The following ZFAT variants were observed in gnomAD, a reference collection of about 807,000 sequenced individuals.
ZFAT encodes the protein zinc finger protein ZFAT.
ZFAT carries 64 observed loss-of-function variants against 117.7 expected under a neutral mutation model. The observed-to-expected ratio is 0.54, with a 90% CI of 0.44 to 0.67. ZFAT has a LOEUF of 0.67. ZFAT is among the 30% of genes least tolerant of loss of function. The probability of loss-of-function intolerance (pLI) is 0.00; values close to 1 mark genes in which losing one functional copy is unlikely to be tolerated. For synonymous variants in ZFAT, 679 were observed against 615.0 expected (o/e 1.10, Z -1.54); for missense variants, 1,433 against 1,584.5 (o/e 0.90, Z 1.62).
At chr8:134,591,461 T>G (rs1022254831) in intron 7 of ZFAT, among the ~76,000 whole-genome samples, 4 of 152,228 alleles carry the variant, frequency 2.6e-5, no homozygotes, top group African/African-American at 9.6e-5. Flanking sequence ...CACCTCCCTT[T>G]GCTCTCAGCG....
intron 1 of ZFAT, among the ~76,000 whole-genome samples, chr8:134,664,168 T>C (rs1043946382): frequency 4.0e-5 from 6 of 149,378 alleles, no homozygotes; most frequent in African/African-American, 1.2e-4. Flanking sequence ...CCTCATTCAA[T>C]CCCCCACCTC....
At chr8:134,617,808 G>T (rs1196823075) in intron 3 of ZFAT, among the ~76,000 whole-genome samples, 2 of 152,162 alleles carry the variant, frequency 1.3e-5, no homozygotes, top group South Asian at 2.1e-4. Context: ...TCACTAAATT[G>T]CAGATAGTCT....
intron 1 of ZFAT, among the ~76,000 whole-genome samples, chr8:134,712,319 G>A (rs947106342): frequency 4.6e-5 from 7 of 152,236 alleles, no homozygotes; most frequent in African/African-American, 1.7e-4. Flanking sequence ...GTGGAAGCTT[G>A]TGGTAATTAC....
chr8:134,541,514 C>T (rs1586673099), intron 11 of ZFAT, among the ~76,000 whole-genome samples: 1 of 152,080 alleles, frequency 6.6e-6, no homozygotes, highest in Admixed American at 6.5e-5. Context: ...TTATAAATTA[C>T]CCAGTTTCAA....
intron 3 of ZFAT, among the ~76,000 whole-genome samples, chr8:134,627,154 G>A (rs922316541): frequency 3.9e-5 from 6 of 152,160 alleles, no homozygotes; most frequent in East Asian, 1.9e-4. Flanking sequence ...GAGGCCCACC[G>A]GCAGGAAGCA....
intron 10 of ZFAT, among the ~76,000 whole-genome samples, chr8:134,583,417 T>C (rs982510894): frequency 3.3e-5 from 5 of 152,138 alleles, no homozygotes; most frequent in Admixed American, 2.6e-4. Flanking sequence ...ACCACTGAGG[T>C]AGCTTGGATG....
chr8:134,754,401 G>A, the ZFAT span, among the ~76,000 whole-genome samples: 1 of 152,190 alleles, frequency 6.6e-6, no homozygotes, highest in African/African-American at 2.4e-5. Flanking sequence ...AGCTGGATAA[G>A]GGGACCAAGG....
At chr8:134,565,223 A>T in intron 11 of ZFAT, 110 bp downstream of exon 11, 2 of 1,560,066 alleles carry the variant, frequency 1.3e-6, no homozygotes, top group Non-Finnish European at 1.7e-6. Flanking sequence ...GGGGGCCCCA[A>T]AGCGAAGGTA....
intron 11 of ZFAT, among the ~76,000 whole-genome samples, chr8:134,548,436 G>T (rs1194637194): frequency 6.6e-6 from 1 of 152,186 alleles, no homozygotes; most frequent in Non-Finnish European, 1.5e-5. Context: ...GCAATGGAGG[G>T]TGGAGGGTGA....
chr8:134,633,297 G>C (rs1830008965), intron 3 of ZFAT, among the ~76,000 whole-genome samples: 1 of 152,080 alleles, frequency 6.6e-6, no homozygotes, highest in African/African-American at 2.4e-5. Flanking sequence ...GTAAAACACT[G>C]AGAAACAGCA....
intron 3 of ZFAT, among the ~76,000 whole-genome samples, chr8:134,634,908 G>A (rs1394989920): frequency 1.3e-5 from 2 of 152,122 alleles, no homozygotes; most frequent in Non-Finnish European, 2.9e-5. Flanking sequence ...TGGCGGGGTG[G>A]GGTGGTTTGG....
At chr8:134,556,664 A>T (rs968227846) in intron 11 of ZFAT, among the ~76,000 whole-genome samples, 2 of 152,220 alleles carry the variant, frequency 1.3e-5, no homozygotes, top group African/African-American at 4.8e-5. Context: ...TTTTAGAGTG[A>T]TGTCCCCCTA....
chr8:134,667,734 T>C (rs1338663736), intron 1 of ZFAT, among the ~76,000 whole-genome samples: 1 of 151,998 alleles, frequency 6.6e-6, no homozygotes, highest in Non-Finnish European at 1.5e-5. Flanking sequence ...ACCGGGTTCA[T>C]GTCACTGGGG....
chr8:134,521,742 C>G (rs973733978), intron 12 of ZFAT, among the ~76,000 whole-genome samples: 3 of 152,198 alleles, frequency 2.0e-5, no homozygotes, highest in Admixed American at 1.3e-4. Flanking sequence ...ACAGATTGTG[C>G]CTTCAGAAGC....
chr8:134,789,374 A>G, the ZFAT span, among the ~76,000 whole-genome samples: 1 of 152,228 alleles, frequency 6.6e-6, no homozygotes. Context: ...TTACCCACAT[A>G]TTTACCATTT....
At chr8:134,685,619 T>C (rs1395482678) in intron 1 of ZFAT, among the ~76,000 whole-genome samples, 1 of 152,042 alleles carries the variant, frequency 6.6e-6, no homozygotes, top group African/African-American at 2.4e-5. Flanking sequence ...ACTGCACAGG[T>C]TGGCAGCAGG....
chr8:134,721,041 G>A, the ZFAT span, among the ~76,000 whole-genome samples: 1 of 152,222 alleles, frequency 6.6e-6, no homozygotes, highest in African/African-American at 2.4e-5. Context: ...GGAAACATGA[G>A]CTCATCCATC....
In ZFAT at chr8:134,637,450, G is replaced by A; in HGVS notation, c.448+11C>T. ...AGAAATTGACATGTTCAGCCCTTTG[G>A]CAGCATTTACCTGCTTCTCCTTCCT... On this transcript the variant is annotated intron_variant, in intron 3 of 15. Transcript: ENST00000377838. 6.2e-7 allele frequency: 1 copy of A among 1,601,460 alleles called. No individual in the cohort carries two copies.
Position 134,532,935 on chromosome 8 carries a change from A to G in ZFAT, c.3014T>C (p.Ile1005Thr). 6.2e-7 allele frequency: 1 copy of G among 1,608,712 alleles called. No individual in the cohort carries two copies. The highest frequency in any genetic ancestry group is 8.5e-7 in the Non-Finnish European group (1 of 1,177,586). The change falls in exon 12 of 16, where the codon ATA becomes ACA. Residue 1005 changes from isoleucine (I) to threonine (T), a missense_variant. Transcript: ENST00000377838. ...GTAGTGCCGCTTCAGAGAGCCAGAT[A>G]TGTTGCAGGAGTAATGGCAATGGGC... ...RCAHCHYSCN[I>T]SGSLKRHYNR...
Sources: allele counts gnomAD v4.1 joint callset (sites outside exome capture counted in the v4.1 genomes callset), GRCh38; gene constraint gnomAD v4.1.1; transcripts MANE v1.5; gene names NCBI Gene and HGNC (gene_info 2026-07-23, HGNC 2026-07-21).